Variants in OPRPN observed in about 807,000 individuals in gnomAD.
OPRPN encodes the protein opiorphin prepropeptide.
OPRPN carries 1 observed loss-of-function variant against 2.2 expected under a neutral mutation model. That is an observed-to-expected ratio of 0.45 (90% CI 0.16 to 2.15). The LOEUF (loss-of-function observed/expected upper bound fraction) is 2.15. Ranked by LOEUF, OPRPN falls within the 30% of genes most tolerant of loss-of-function variation. The probability of loss-of-function intolerance (pLI) is 0.28; values close to 1 mark genes in which losing one functional copy is unlikely to be tolerated. For synonymous variants in OPRPN, 126 were observed against 111.5 expected (o/e 1.13, Z -0.82); for missense variants, 306 against 297.3 (o/e 1.03, Z -0.21).
At chr4:70,399,837 C>T (rs1732934124) in intron 2 of OPRPN, among the ~76,000 whole-genome samples, 1 of 151,716 alleles carries the variant, frequency 6.6e-6, no homozygotes, top group Admixed American at 6.6e-5. Flanking sequence ...CTTTCTGATG[C>T]CTGAAAATAT....
chr4:70,398,790 C>T (rs769483252), intron 1 of OPRPN, among the ~76,000 whole-genome samples: 45 of 151,914 alleles, frequency 3.0e-4, no homozygotes, highest in Non-Finnish European at 5.0e-4. Flanking sequence ...GTTTCTTTTG[C>T]TTCAGACAGA....
Position 70,409,788 on chromosome 4 carries a change from A to G in OPRPN, c.460A>G (p.Thr154Ala), listed in dbSNP as rs766367455. ...CATCACCACCGCAGATACAACAATCACCACAAATCCCCCCACCACTGCAAC... is the reference window on the plus strand; with the variant it reads ...CATCACCACCGCAGATACAACAATCGCCACAAATCCCCCCACCACTGCAAC... Reference protein sequence around the residue: ...INITTADTTITTNPPTTATAT... With the variant: ...INITTADTTIATNPPTTATAT... The change falls in exon 3 of 3, where the codon ACC (threonine) becomes GCC (alanine). Residue 154 changes from threonine (T) to alanine (A), a missense_variant. Physicochemically the swap from Thr to Ala is moderately conservative, Grantham distance 58. Coordinates refer to ENST00000399575, the MANE Select transcript of OPRPN (RefSeq NM_021225.5). 6 of 1,613,396 alleles carry G rather than the reference A, an allele frequency of 3.7e-6. No homozygotes were observed. The highest frequency in any genetic ancestry group is 5.1e-6 in the Non-Finnish European group (6 of 1,179,786).
intron 2 of OPRPN, among the ~76,000 whole-genome samples, chr4:70,406,682 A>T (rs572875195): frequency 3.9e-5 from 6 of 152,260 alleles, no homozygotes; most frequent in African/African-American, 1.4e-4. Flanking sequence ...TGAAAGAACT[A>T]GTACTAGTTC....
chr4:70,404,137 C>T (rs539043053), intron 2 of OPRPN, among the ~76,000 whole-genome samples: 8 of 152,266 alleles, frequency 5.3e-5, no homozygotes, highest in Admixed American at 4.6e-4. Flanking sequence ...GATGAAACCA[C>T]ATTTGTCAAA....
At chr4:70,406,233 AACTT>A (rs1171886596) in intron 2 of OPRPN, among the ~76,000 whole-genome samples, 1 of 152,212 alleles carries the variant, frequency 6.6e-6, no homozygotes, top group African/African-American at 2.4e-5. Context: ...AAAGATACCT[AACTT>A]ACTTCGAATT....
chr4:70,400,487 T>C (rs900275336), intron 2 of OPRPN, among the ~76,000 whole-genome samples: 10 of 151,944 alleles, frequency 6.6e-5, no homozygotes, highest in African/African-American at 2.4e-4. Flanking sequence ...GAGATACCTA[T>C]ATCAGAAACA....
intron 2 of OPRPN, among the ~76,000 whole-genome samples, chr4:70,403,602 T>G (rs993008089): frequency 3.9e-5 from 6 of 152,310 alleles, no homozygotes; most frequent in African/African-American, 1.4e-4. Flanking sequence ...CTATGCTAAA[T>G]TATTTGTCAT....
At chr4:70,403,403 A>T (rs1309073033) in intron 2 of OPRPN, among the ~76,000 whole-genome samples, 1 of 152,210 alleles carries the variant, frequency 6.6e-6, no homozygotes, top group African/African-American at 2.4e-5. Context: ...GGCAAACTAC[A>T]TTTGGCCCAC....
intron 2 of OPRPN, among the ~76,000 whole-genome samples, chr4:70,403,264 C>T (rs1228571053): frequency 6.6e-6 from 1 of 152,082 alleles, no homozygotes; most frequent in Non-Finnish European, 1.5e-5. Context: ...TGAAAAGGGC[C>T]AGATAACAAA....
At chr4:70,405,752 C>A (rs1231042138) in intron 2 of OPRPN, among the ~76,000 whole-genome samples, 1 of 152,112 alleles carries the variant, frequency 6.6e-6, no homozygotes, top group Non-Finnish European at 1.5e-5. Context: ...AGTCCACATT[C>A]ATTTATTCAA....
chr4:70,410,186 T>A lies in OPRPN; in HGVS notation c.*111T>A. On this transcript the variant is annotated 3_prime_UTR_variant, in exon 3 of 3. Coordinates refer to ENST00000399575, the MANE Select transcript of OPRPN (RefSeq NM_021225.5). ...TAACCAGCACACTAAATAAAGTATT[T>A]GAGCAATAATATGCACCTATTGCTA... The A allele has an allele frequency of 1.3e-6, 1 of 750,846 alleles. No individual in the cohort carries two copies. Among genetic ancestry groups the A allele is most frequent in the Non-Finnish European group, 2.0e-6 (1 of 490,298 alleles). The allele number at this position is 750,846 out of a possible 1,614,324, so 46.5% of individuals were successfully genotyped here. A position where few individuals can be genotyped will look rare whatever the true frequency, so the allele number is the denominator to read the frequency against.
intron 2 of OPRPN, among the ~76,000 whole-genome samples, chr4:70,405,502 C>CT (rs1214195077): frequency 1.3e-5 from 2 of 152,184 alleles, no homozygotes; most frequent in Non-Finnish European, 2.9e-5. Context: ...TCACCTTTCT[C>CT]TTATTGATAC....
At chr4:70,398,597 C>G (rs1007647702) in intron 1 of OPRPN, among the ~76,000 whole-genome samples, 2 of 151,792 alleles carry the variant, frequency 1.3e-5, no homozygotes, top group Non-Finnish European at 1.5e-5. Flanking sequence ...TTCCCAGAAC[C>G]CAGGGTGCCA....
At position 70,410,142 on chromosome 4, in the gene OPRPN, G is replaced by A; in HGVS notation, c.*67G>A. On this transcript the variant is annotated 3_prime_UTR_variant, in exon 3 of 3. Transcript: ENST00000399575. Reference sequence around the variant, plus strand: ...AGAAGAAATAAACTGCAATGATTTTGATGGAACCAACCCTGATCTAACCAG... The same window carrying A: ...AGAAGAAATAAACTGCAATGATTTTAATGGAACCAACCCTGATCTAACCAG... 8.0e-7 allele frequency: 1 copy of A among 1,245,536 alleles called. No individual in the cohort carries two copies. The highest frequency in any genetic ancestry group is 1.1e-6 in the Non-Finnish European group (1 of 905,916). 77.2% of individuals were successfully genotyped at this position (1,245,536 alleles called of 1,614,324 possible). A position where few individuals can be genotyped will look rare whatever the true frequency, so the allele number is the denominator to read the frequency against.
rs745893613 is a variant in OPRPN at position 70,409,269 on chromosome 4, A to T, written c.52-111A>T. On this transcript the variant is annotated intron_variant, in intron 2 of 2. Coordinates refer to ENST00000399575, the MANE Select transcript of OPRPN (RefSeq NM_021225.5). ...AAATACATGACTTATGGCTTAGTAT[A>T]TCCTAATGTTTACATAGTAGATATA... is the stretch of plus-strand genomic sequence containing the variant. 2.6e-4 allele frequency: 212 copies of T among 817,358 alleles called. 2 individuals carry two copies. Among genetic ancestry groups the T allele is most frequent in the South Asian group, 1.5e-3 (75 of 51,240 alleles). 50.6% of individuals were successfully genotyped at this position (817,358 alleles called of 1,614,324 possible).
intron 2 of OPRPN, among the ~76,000 whole-genome samples, chr4:70,405,923 C>A (rs1406196594): frequency 6.6e-6 from 1 of 151,376 alleles, no homozygotes; most frequent in Non-Finnish European, 1.5e-5. Flanking sequence ...AAAAAAATAG[C>A]CAGGTATGGT....
intron 2 of OPRPN, among the ~76,000 whole-genome samples, chr4:70,403,811 C>T (rs1733029612): frequency 6.6e-6 from 1 of 151,950 alleles, no homozygotes. Context: ...GGACTAAAAT[C>T]AACCCAATAT....
intron 2 of OPRPN, among the ~76,000 whole-genome samples, chr4:70,405,197 C>T (rs575203145): frequency 2.0e-5 from 3 of 152,236 alleles, no homozygotes; most frequent in African/African-American, 4.8e-5. Flanking sequence ...ATGTAGACTC[C>T]TTAAGAAGGC....
intron 2 of OPRPN, among the ~76,000 whole-genome samples, chr4:70,399,805 AT>A (rs1732933765): frequency 6.6e-6 from 1 of 151,996 alleles, no homozygotes. Flanking sequence ...GAAAATATTT[AT>A]AAAAACTAAA....
Sources: allele counts gnomAD v4.1 joint callset (sites outside exome capture counted in the v4.1 genomes callset), GRCh38; gene constraint gnomAD v4.1.1; transcripts MANE v1.5; gene names NCBI Gene and HGNC (gene_info 2026-07-23, HGNC 2026-07-21).